Variants in CEP63 observed in about 807,000 individuals in gnomAD.
CEP63 encodes centrosomal protein of 63 kDa.
Under a neutral mutation model 89.1 loss-of-function variants are expected in CEP63, and 84 were observed. The observed-to-expected ratio is 0.94, with a 90% CI of 0.79 to 1.13. The LOEUF (loss-of-function observed/expected upper bound fraction) is 1.13, where lower values mean the gene tolerates loss of function less well. CEP63 is among the 50% of genes most tolerant of loss of function. The pLI is 0.00. For missense variants in CEP63, 838 were observed against 813.3 expected, an observed-to-expected ratio of 1.03 and a Z score of -0.37; for synonymous variants, 267 against 272.5, an observed-to-expected ratio of 0.98 and a Z score of 0.20.
At chr3:134,680,757 G>A in the CEP63 span, among the ~76,000 whole-genome samples, 1 of 152,074 alleles carries the variant, frequency 6.6e-6, no homozygotes, top group Non-Finnish European at 1.5e-5. Flanking sequence ...CTAGTGGCTC[G>A]AAAAGAAGAG....
At chr3:134,766,523 T>G in the CEP63 span, among the ~76,000 whole-genome samples, 1 of 152,358 alleles carries the variant, frequency 6.6e-6, no homozygotes, top group South Asian at 2.1e-4. Flanking sequence ...AGGGCTACCT[T>G]GTAGGGACTT....
downstream of CEP63, among the ~76,000 whole-genome samples, chr3:134,591,243 T>G (rs115862035): frequency 3.5e-3 from 538 of 152,330 alleles, 2 homozygotes; most frequent in African/African-American, 0.012. Flanking sequence ...TAGTGTGAAG[T>G]CATTCTGATT....
the CEP63 span, among the ~76,000 whole-genome samples, chr3:134,670,208 T>G: frequency 6.6e-6 from 1 of 152,218 alleles, no homozygotes; most frequent in Non-Finnish European, 1.5e-5. Flanking sequence ...AAATCAAATA[T>G]GATTTTTGAG....
Position 134,490,842 on chromosome 3 carries a change from C to G in CEP63, c.-25-4454C>G, listed in dbSNP as rs1455635656. Among the ~76,000 whole-genome samples, 2 of 151,984 alleles carry G rather than the reference C, an allele frequency of 1.3e-5. 1 individual carries two copies. Among genetic ancestry groups the G allele is most frequent in the South Asian group, 4.1e-4 (2 of 4,832 alleles). On this transcript the variant is annotated intron_variant, in intron 1 of 14. Transcript: ENST00000675561. ...TAGGTAAAATGTGCTATTATGTATA[C>G]TGTTTTCCATCTTGGGTTTTTCACC...
the CEP63 span, among the ~76,000 whole-genome samples, chr3:134,715,533 T>C: frequency 4.2e-5 from 1 of 24,092 alleles, no homozygotes; most frequent in Non-Finnish European, 8.2e-5. Flanking sequence ...TTTTTGTTTT[T>C]TTTTGTTTTT....
At chr3:134,583,671 T>G (rs1406405522) in intron 10 of CEP63, among the ~76,000 whole-genome samples, 1 of 152,220 alleles carries the variant, frequency 6.6e-6, no homozygotes, top group East Asian at 1.9e-4. Flanking sequence ...GGGCTCTTTT[T>G]TGGTTCCATA....
At chr3:134,719,877 A>G in the CEP63 span, among the ~76,000 whole-genome samples, 7 of 152,328 alleles carry the variant, frequency 4.6e-5, no homozygotes, top group African/African-American at 1.4e-4. Context: ...TCATCAACGA[A>G]TGAACATTTG....
the CEP63 span, among the ~76,000 whole-genome samples, chr3:134,755,955 C>A: frequency 1.3e-5 from 2 of 152,218 alleles, no homozygotes; most frequent in Non-Finnish European, 2.9e-5. Flanking sequence ...GGGTCCACAG[C>A]ATGACCTGAG....
chr3:134,697,006 A>G, the CEP63 span, among the ~76,000 whole-genome samples: 1 of 152,244 alleles, frequency 6.6e-6, no homozygotes, highest in Non-Finnish European at 1.5e-5. Context: ...TACTTGACAT[A>G]CATTGCTAAA....
At chr3:134,489,664 G>A (rs1350325815) in intron 1 of CEP63, among the ~76,000 whole-genome samples, 1 of 152,128 alleles carries the variant, frequency 6.6e-6, no homozygotes, top group Non-Finnish European at 1.5e-5. Context: ...TATCAACTGA[G>A]AGTCTTTTAT....
chr3:134,616,711 G>C, the CEP63 span, among the ~76,000 whole-genome samples: 1 of 152,152 alleles, frequency 6.6e-6, no homozygotes, highest in Admixed American at 6.6e-5. Flanking sequence ...ATCTGGACCA[G>C]GGCAAAAAGC....
At chr3:134,767,843 C>T in the CEP63 span, among the ~76,000 whole-genome samples, 4 of 152,148 alleles carry the variant, frequency 2.6e-5, no homozygotes, top group Non-Finnish European at 4.4e-5. Flanking sequence ...AGGTGCAGAA[C>T]TGGATTGTCA....
intron 6 of CEP63, among the ~76,000 whole-genome samples, chr3:134,544,802 T>C (rs1952870319): frequency 2.0e-5 from 3 of 152,100 alleles, no homozygotes; most frequent in African/African-American, 7.2e-5. Flanking sequence ...TAGAATACTG[T>C]AGCATCTCTT....
Position 134,532,787 on chromosome 3 carries a change from C to G in CEP63, c.328C>G (p.Leu110Val). Residue 110 changes from leucine to valine, a missense_variant, in exon 5 of 15, where the codon CTG becomes GTG. Transcript: ENST00000675561. ...LKKLHEELCI[L>V]KRSYEKLQKK... is the part of the protein sequence containing the mutation. ...ATAACTGTTTCTACAGTTATGCATA[C>G]TGAAGAGAAGCTATGAAAAGCTTCA... 1 of 1,602,406 alleles carries G rather than the reference C, an allele frequency of 6.2e-7. No individual in the cohort carries two copies. The highest frequency in any genetic ancestry group is 8.5e-7 in the Non-Finnish European group (1 of 1,170,128).
At chr3:134,691,191 C>CA in the CEP63 span, among the ~76,000 whole-genome samples, 33 of 151,234 alleles carry the variant, frequency 2.2e-4, no homozygotes, top group African/African-American at 7.0e-4. Context: ...CCTGTCTCTA[C>CA]AAAAAATACC....
chr3:134,585,103 G>A (rs908622166), intron 10 of CEP63, among the ~76,000 whole-genome samples: 60 of 151,766 alleles, frequency 4.0e-4, no homozygotes, highest in African/African-American at 1.4e-3. Flanking sequence ...TCTTGCTAGT[G>A]GTCTATCAAT....
Position 134,562,208 on chromosome 3 carries a change from A to G in CEP63, c.*673A>G. On this transcript the variant is annotated 3_prime_UTR_variant, in exon 15 of 15. Transcript: ENST00000675561. ...TTGGAAATAAATGTTCATCGTCTGCACTGCTGAGGACAAGTTTAGATGGGA... is the reference window on the plus strand; with the variant it reads ...TTGGAAATAAATGTTCATCGTCTGCGCTGCTGAGGACAAGTTTAGATGGGA... 1.0e-6 allele frequency: 1 copy of G among 986,072 alleles called. No homozygotes were observed. Among genetic ancestry groups the G allele is most frequent in the African/African-American group, 1.7e-5 (1 of 57,372 alleles). The allele number at this position is 986,072 out of a possible 1,614,324, so 61.1% of individuals were successfully genotyped here. A position where few individuals can be genotyped will look rare whatever the true frequency, so the allele number is the denominator to read the frequency against.
intron 2 of CEP63, among the ~76,000 whole-genome samples, chr3:134,500,440 CCTT>C (rs1445787746): frequency 1.3e-5 from 2 of 152,094 alleles, no homozygotes; most frequent in Non-Finnish European, 2.9e-5. Flanking sequence ...TATTTATTTT[CCTT>C]CGAGTATATA....
intron 12 of CEP63, 125 bp from the exon 13 acceptor site, chr3:134,558,017 A>G (rs1956584237): frequency 5.0e-6 from 4 of 804,444 alleles, no homozygotes; most frequent in African/African-American, 3.4e-5. Context: ...CCTAAAAACA[A>G]AGCTTCATTA....
Sources: allele counts gnomAD v4.1 joint callset (sites outside exome capture counted in the v4.1 genomes callset), GRCh38; gene constraint gnomAD v4.1.1; transcripts MANE v1.5; gene names NCBI Gene and HGNC (gene_info 2026-07-23, HGNC 2026-07-21).